The following GNAO1 variants were observed in gnomAD, a reference collection of about 807,000 sequenced individuals.
GNAO1 encodes guanine nucleotide-binding protein G(o) subunit alpha.
For missense variants in GNAO1, 166 were observed against 478.7 expected, an observed-to-expected ratio of 0.35 and a Z score of 6.10; for synonymous variants, 164 against 180.7, an observed-to-expected ratio of 0.91 and a Z score of 0.74.
At chr16:56,214,812 G>A (rs546080820) in intron 2 of GNAO1, among the ~76,000 whole-genome samples, 28 of 152,344 alleles carry the variant, frequency 1.8e-4, no homozygotes, top group African/African-American at 5.8e-4. Context: ...CTTGCGTACC[G>A]GGTGTTTCTG....
chr16:56,264,236 G>A (rs578223279), intron 2 of GNAO1, among the ~76,000 whole-genome samples: 4 of 152,208 alleles, frequency 2.6e-5, no homozygotes, highest in East Asian at 3.8e-4. Context: ...TTCAAGTCAC[G>A]ATATCTGTAA....
chr16:56,295,304 G>C (rs969296586), intron 3 of GNAO1, among the ~76,000 whole-genome samples: 1 of 152,120 alleles, frequency 6.6e-6, no homozygotes, highest in Non-Finnish European at 1.5e-5. Flanking sequence ...TCCGTGGCTC[G>C]CAGATGGGCA....
chr16:56,257,550 G>T (rs181177447), intron 2 of GNAO1, among the ~76,000 whole-genome samples: 2 of 152,118 alleles, frequency 1.3e-5, no homozygotes, highest in Non-Finnish European at 2.9e-5. Flanking sequence ...TGGGTCCTTG[G>T]GGGGGTGTGG....
At chr16:56,346,077 G>A in intron 6 of GNAO1, 1 of 985,622 alleles carries the variant, frequency 1.0e-6, no homozygotes, top group Non-Finnish European at 1.2e-6. Context: ...TCCCCAGCCT[G>A]CCTTTCTCTT....
chr16:56,325,908 G>A (rs1175772555), intron 3 of GNAO1, among the ~76,000 whole-genome samples: 1 of 152,148 alleles, frequency 6.6e-6, no homozygotes, highest in African/African-American at 2.4e-5. Context: ...TGATACTAGC[G>A]ACTCTGGGGC....
At chr16:56,346,932 T>A (rs2037875990) in intron 6 of GNAO1, 1 of 985,190 alleles carries the variant, frequency 1.0e-6, no homozygotes, top group African/African-American at 1.7e-5. Flanking sequence ...CCAACATGAG[T>A]CCTGCAGTGG....
rs9889058 is a variant in GNAO1 at position 56,311,405 on chromosome 16, G to A, written c.304-17226G>A. Among the ~76,000 whole-genome samples, 6,261 of 152,180 alleles carry A rather than the reference G, an allele frequency of 0.041. 258 individuals are homozygous for A. The highest frequency in any genetic ancestry group is 0.11 in the African/African-American group (4,437 of 41,486). On this transcript the variant is annotated intron_variant, in intron 3 of 8. Coordinates refer to ENST00000262493, the MANE Select transcript of GNAO1 (RefSeq NM_020988.3). The surrounding 1 kb of genome is among the most constrained non-coding windows in gnomAD (Gnocchi z 5.2). ...AGCCCTGTGCAGCTCTTCCCCAGCA[G>A]AGGGCAGAGTTGATACCCTTCCCCA... is the stretch of plus-strand genomic sequence containing the variant.
chr16:56,335,194 A>T (rs12449086), intron 5 of GNAO1, among the ~76,000 whole-genome samples: 2 of 151,870 alleles, frequency 1.3e-5, no homozygotes, highest in African/African-American at 2.4e-5. Flanking sequence ...CCTTGGGGGG[A>T]GGAGCCAAGA....
At chr16:56,293,791 G>A (rs546068443) in intron 3 of GNAO1, among the ~76,000 whole-genome samples, 4 of 152,150 alleles carry the variant, frequency 2.6e-5, no homozygotes, top group East Asian at 1.9e-4. Context: ...GTTTGGGAAC[G>A]TTGCCTGGGG....
intron 2 of GNAO1, among the ~76,000 whole-genome samples, chr16:56,253,754 A>G (rs907687273): frequency 1.3e-5 from 2 of 152,192 alleles, no homozygotes; most frequent in African/African-American, 2.4e-5. Context: ...TTGCCATCAC[A>G]TGGAAGCAGA....
chr16:56,206,208 T>A (rs1229908112), intron 2 of GNAO1, among the ~76,000 whole-genome samples: 1 of 151,356 alleles, frequency 6.6e-6, no homozygotes, highest in Non-Finnish European at 1.5e-5. Flanking sequence ...TAGTCACAGC[T>A]ACTCGGGAGG....
chr16:56,310,861 C>T (rs1474128454), intron 3 of GNAO1, among the ~76,000 whole-genome samples: 3 of 152,136 alleles, frequency 2.0e-5, no homozygotes, highest in African/African-American at 4.8e-5. Context: ...CACAGTGACT[C>T]ATGGACCAAC....
At chr16:56,206,046 C>T (rs113089364) in intron 2 of GNAO1, among the ~76,000 whole-genome samples, 29 of 152,066 alleles carry the variant, frequency 1.9e-4, no homozygotes, top group South Asian at 1.2e-3. Context: ...TAGGGCCGGG[C>T]GTGGTGCCTC....
chr16:56,224,056 G>A (rs554375105), intron 2 of GNAO1, among the ~76,000 whole-genome samples: 10 of 152,306 alleles, frequency 6.6e-5, no homozygotes, highest in African/African-American at 2.4e-4. Flanking sequence ...GTGGGGAAGC[G>A]GGGCCTGCCT....
At chr16:56,291,827 A>C (rs2037235825) in intron 3 of GNAO1, among the ~76,000 whole-genome samples, 1 of 152,152 alleles carries the variant, frequency 6.6e-6, no homozygotes. Context: ...CTATCACTGC[A>C]TCCTCAGGTG....
chr16:56,321,559 C>T (rs951460161), intron 3 of GNAO1, among the ~76,000 whole-genome samples: 4 of 152,140 alleles, frequency 2.6e-5, no homozygotes, highest in Non-Finnish European at 5.9e-5. Context: ...ATGGGTTGGC[C>T]AAGCCCAGAG....
At chr16:56,305,258 T>G (rs1401955394) in intron 3 of GNAO1, among the ~76,000 whole-genome samples, 2 of 152,194 alleles carry the variant, frequency 1.3e-5, no homozygotes, top group African/African-American at 2.4e-5. Context: ...ATGAAGCAGA[T>G]GTAGGCCCTG....
At chr16:56,333,278 T>C (rs1412761755) in intron 4 of GNAO1, among the ~76,000 whole-genome samples, 1 of 150,398 alleles carries the variant, frequency 6.6e-6, no homozygotes, top group Non-Finnish European at 1.5e-5. Context: ...AGTGGCACGA[T>C]CTCAACTCAC....
chr16:56,349,888 G>A (rs543686467), intron 6 of GNAO1, among the ~76,000 whole-genome samples: 12 of 152,320 alleles, frequency 7.9e-5, no homozygotes, highest in South Asian at 2.1e-4. Flanking sequence ...CACGGAGCCC[G>A]CCATGCTGCT....
Sources: allele counts gnomAD v4.1 joint callset (sites outside exome capture counted in the v4.1 genomes callset), GRCh38; gene constraint gnomAD v4.1.1; non-coding constraint Gnocchi (gnomAD v3.1); transcripts MANE v1.5; gene names NCBI Gene and HGNC (gene_info 2026-07-23, HGNC 2026-07-21).